Variants in DMD observed in about 807,000 individuals in gnomAD.
The protein encoded by DMD is mutant dystrophin.
A neutral mutation model predicts 330.1 loss-of-function variants in DMD; 63 were observed. The observed-to-expected ratio is 0.19, with a 90% CI of 0.16 to 0.24. The LOEUF (loss-of-function observed/expected upper bound fraction) is 0.24. DMD is among the 10% of genes least tolerant of loss of function. DMD has a pLI of 1.00. For missense variants in DMD, 3,344 were observed against 2,684.1 expected (o/e 1.25, Z -5.43); for synonymous variants, 1,223 against 959.8 (o/e 1.27, Z -5.07).
intron 1 of DMD, among the ~76,000 whole-genome samples, chrX:33,098,022 T>A (rs912762452): frequency 6.3e-5 from 7 of 111,777 alleles, no homozygotes; most frequent in African/African-American, 2.3e-4. Flanking sequence ...ATTAGCACTA[T>A]CTGAGCAATA....
At chrX:31,935,931 A>G (rs1394390873) in intron 45 of DMD, among the ~76,000 whole-genome samples, 6 of 111,354 alleles carry the variant, frequency 5.4e-5, no homozygotes, top group Non-Finnish European at 1.1e-4. Context: ...ATTTTTTTCT[A>G]TCAAGAATAT....
intron 44 of DMD, chrX:32,206,214 C>A: frequency 1.9e-6 from 1 of 513,122 alleles, no homozygotes; most frequent in South Asian, 2.3e-5. Flanking sequence ...AGGGCCAGTG[C>A]ATGTGAGTGG....
At chrX:32,704,580 G>A (rs745714990) in intron 7 of DMD, among the ~76,000 whole-genome samples, 131 of 112,299 alleles carry the variant, frequency 1.2e-3, no homozygotes, top group Non-Finnish European at 2.0e-3. Flanking sequence ...AAGATAGCAG[G>A]TATAAATGTG....
chrX:31,581,331 C>T (rs1344161228), intron 55 of DMD, among the ~76,000 whole-genome samples: 1 of 112,179 alleles, frequency 8.9e-6, no homozygotes, highest in African/African-American at 3.2e-5. Context: ...ATGTCAAATA[C>T]ACTTTAAAAA....
chrX:32,248,101 T>C (rs891595608), intron 43 of DMD, among the ~76,000 whole-genome samples: 4 of 111,854 alleles, frequency 3.6e-5, no homozygotes, highest in African/African-American at 1.3e-4. Flanking sequence ...TCATAAGTGA[T>C]TGTGGTCAGC....
chrX:31,304,815 T>C (rs1373069135), intron 62 of DMD, among the ~76,000 whole-genome samples: 3 of 110,829 alleles, frequency 2.7e-5, no homozygotes, highest in African/African-American at 9.8e-5. Context: ...GAAGGATGTA[T>C]ATATTGATGA....
intron 47 of DMD, among the ~76,000 whole-genome samples, chrX:31,890,369 A>G (rs1569500203): frequency 9.1e-6 from 1 of 109,906 alleles, no homozygotes. Flanking sequence ...ACAAAAAAAA[A>G]AAGAAGAAGA....
At chrX:31,293,091 A>G (rs769083751) in intron 62 of DMD, among the ~76,000 whole-genome samples, 18 of 109,210 alleles carry the variant, frequency 1.6e-4, no homozygotes, top group Non-Finnish European at 1.3e-4. Flanking sequence ...CCCATAAACC[A>G]TTCACTTAGA....
Position 31,568,964 on chromosome X carries a change from G to A in DMD, c.8217+58709C>T, listed in dbSNP as rs762433428. On this transcript the variant is annotated intron_variant, in intron 55 of 78. Transcript: ENST00000357033. ...GTGGTCTTTCCAGGCATTACGATAC[G>A]CATTAACATTGCAATCTACTGGAAT... Among the ~76,000 whole-genome samples, 7 of 110,487 alleles carry A rather than the reference G, an allele frequency of 6.3e-5. No homozygotes were observed. In the South Asian group the frequency reaches 1.9e-3, roughly 29 times the overall value.
intron 1 of DMD, among the ~76,000 whole-genome samples, chrX:33,206,756 T>C (rs1196296417): frequency 9.0e-6 from 1 of 111,552 alleles, no homozygotes; most frequent in Non-Finnish European, 1.9e-5. Context: ...TCCCTTAAAA[T>C]GGCAGCCTAA....
chrX:32,479,666 G>A (rs1216485839), intron 21 of DMD, among the ~76,000 whole-genome samples: 1 of 108,887 alleles, frequency 9.2e-6, no homozygotes, highest in African/African-American at 3.3e-5. Context: ...ATCATATATA[G>A]ACACTGGAAT....
intron 4 of DMD, among the ~76,000 whole-genome samples, chrX:32,839,955 C>T (rs1056071821): frequency 1.8e-5 from 2 of 111,430 alleles, no homozygotes; most frequent in African/African-American, 3.3e-5. Context: ...ATGATCCACC[C>T]GCCTGGACCA....
intron 44 of DMD, among the ~76,000 whole-genome samples, chrX:32,178,830 GGTGTGTGTGTGTGT>G (rs60773717): frequency 2.0e-5 from 2 of 99,176 alleles, no homozygotes; most frequent in East Asian, 3.2e-4. Flanking sequence ...TATTCCAGGG[GGTGTGTGTGTGTGT>G]GTGTGTGTGT....
chrX:32,915,510 T>A (rs1478324027), intron 2 of DMD, among the ~76,000 whole-genome samples: 2 of 111,545 alleles, frequency 1.8e-5, no homozygotes, highest in African/African-American at 6.5e-5. Context: ...GTATATTTGC[T>A]TCCTGTGGCT....
chrX:31,353,428 A>T (rs2058523067), intron 60 of DMD, among the ~76,000 whole-genome samples: 2 of 111,765 alleles, frequency 1.8e-5, no homozygotes, highest in South Asian at 7.5e-4. Context: ...GGCTGTTGTA[A>T]CTTACTAGAC....
chrX:32,133,304 C>T (rs1355411010), intron 44 of DMD, among the ~76,000 whole-genome samples: 2 of 110,819 alleles, frequency 1.8e-5, no homozygotes, highest in Non-Finnish European at 3.8e-5. Flanking sequence ...CCATGCCTGG[C>T]TGATCATTCC....
chrX:31,648,648 A>T (rs2080252347), intron 54 of DMD, among the ~76,000 whole-genome samples: 1 of 84,052 alleles, frequency 1.2e-5, no homozygotes, highest in Non-Finnish European at 2.4e-5. Context: ...AAAAAAAAAA[A>T]AAAAAAAAAA....
intron 2 of DMD, among the ~76,000 whole-genome samples, chrX:32,855,545 C>G (rs1215336776): frequency 9.0e-6 from 1 of 111,610 alleles, no homozygotes; most frequent in East Asian, 2.8e-4. Flanking sequence ...ACAAAGGTGC[C>G]AAGAACATAC....
intron 60 of DMD, among the ~76,000 whole-genome samples, chrX:31,378,465 T>C (rs1424698002): frequency 9.0e-6 from 1 of 111,574 alleles, no homozygotes; most frequent in East Asian, 2.8e-4. Flanking sequence ...AGATGCGTTT[T>C]ATCCGTGGAC....
Sources: allele counts gnomAD v4.1 joint callset (sites outside exome capture counted in the v4.1 genomes callset), GRCh38; gene constraint gnomAD v4.1.1; transcripts MANE v1.5; gene names NCBI Gene and HGNC (gene_info 2026-07-23, HGNC 2026-07-21).